PLCL1: variants seen among roughly 807,000 people sequenced by gnomAD.
PLCL1 encodes phospholipase C like 1 (inactive), also known as inactive phospholipase C-like protein 1.
PLCL1 carries 41 observed loss-of-function variants against 84.4 expected under a neutral mutation model. The observed-to-expected ratio is 0.49, with a 90% CI of 0.38 to 0.63. The LOEUF (loss-of-function observed/expected upper bound fraction) is 0.63. PLCL1 is among the 30% of genes least tolerant of loss of function. The pLI, the probability that PLCL1 is intolerant of heterozygous loss-of-function variation, is 0.00. For synonymous variants in PLCL1, 490 were observed against 488.3 expected (o/e 1.00, Z -0.05); for missense variants, 1,206 against 1,367.8 (o/e 0.88, Z 1.87).
chr2:197,819,915 TG>T (rs1690781616), intron 1 of PLCL1, among the ~76,000 whole-genome samples: 1 of 151,860 alleles, frequency 6.6e-6, no homozygotes, highest in African/African-American at 2.4e-5. Flanking sequence ...TGTGTGTGTG[TG>T]TGTGTATGTA....
chr2:197,905,046 C>T (rs1688349346), intron 1 of PLCL1, among the ~76,000 whole-genome samples: 1 of 152,154 alleles, frequency 6.6e-6, no homozygotes, highest in Non-Finnish European at 1.5e-5. Context: ...TCTTCTTGCA[C>T]AAATGCTTCA....
At chr2:198,139,478 G>A (rs897203763) in intron 5 of PLCL1, among the ~76,000 whole-genome samples, 2 of 152,082 alleles carry the variant, frequency 1.3e-5, no homozygotes, top group African/African-American at 4.8e-5. Flanking sequence ...TTAAGTACAG[G>A]CATCTGCCTA....
intron 1 of PLCL1, among the ~76,000 whole-genome samples, chr2:198,029,707 T>C (rs1691360989): frequency 6.6e-6 from 1 of 151,850 alleles, no homozygotes; most frequent in African/African-American, 2.4e-5. Context: ...TCTCCTCTTC[T>C]CTCTTCTCTT....
chr2:197,923,203 G>A (rs1436383938), intron 1 of PLCL1, among the ~76,000 whole-genome samples: 6 of 144,298 alleles, frequency 4.2e-5, no homozygotes, highest in South Asian at 2.2e-4. Flanking sequence ...GGCCGGGCGG[G>A]GGGCTGACCC....
intron 1 of PLCL1, among the ~76,000 whole-genome samples, chr2:197,846,668 A>G (rs750962232): frequency 6.6e-6 from 1 of 152,148 alleles, no homozygotes; most frequent in African/African-American, 2.4e-5. Flanking sequence ...TTGGGGTGTA[A>G]TGTGATGGGT....
At chr2:197,823,583 G>A (rs1016443724) in intron 1 of PLCL1, among the ~76,000 whole-genome samples, 16 of 152,120 alleles carry the variant, frequency 1.1e-4, no homozygotes, top group African/African-American at 3.9e-4. Context: ...TGATCATAGA[G>A]GGCTTTGAAT....
At chr2:197,877,566 G>T (rs188615438) in intron 1 of PLCL1, among the ~76,000 whole-genome samples, 4 of 152,142 alleles carry the variant, frequency 2.6e-5, no homozygotes, top group East Asian at 1.9e-4. Flanking sequence ...GAAATAAAAA[G>T]AAATAATATA....
At chr2:198,014,556 T>C (rs935556224) in intron 1 of PLCL1, among the ~76,000 whole-genome samples, 1 of 152,106 alleles carries the variant, frequency 6.6e-6, no homozygotes, top group Non-Finnish European at 1.5e-5. Flanking sequence ...CTTTTTTTTC[T>C]TGTTAATTTT....
intron 1 of PLCL1, among the ~76,000 whole-genome samples, chr2:197,861,144 A>C (rs1687425710): frequency 6.6e-6 from 1 of 152,202 alleles, no homozygotes; most frequent in Non-Finnish European, 1.5e-5. Context: ...GGGGCTGATC[A>C]CAAGAAAGAC....
chr2:197,999,587 T>C (rs1690551302), intron 1 of PLCL1, among the ~76,000 whole-genome samples: 2 of 152,044 alleles, frequency 1.3e-5, no homozygotes, highest in Non-Finnish European at 2.9e-5. Context: ...ATGTAGAGAG[T>C]TGTGATTTCA....
At chr2:197,968,285 G>A (rs149025575) in intron 1 of PLCL1, among the ~76,000 whole-genome samples, 3 of 152,220 alleles carry the variant, frequency 2.0e-5, no homozygotes, top group African/African-American at 7.2e-5. Context: ...AACCCAAGTG[G>A]TCACATAAAA....
intron 1 of PLCL1, among the ~76,000 whole-genome samples, chr2:197,903,962 C>T (rs1688326151): frequency 6.6e-6 from 1 of 151,470 alleles, no homozygotes. Flanking sequence ...ACCACCACAC[C>T]CAACTAATTT....
At chr2:197,921,678 C>T (rs573839559) in intron 1 of PLCL1, among the ~76,000 whole-genome samples, 1 of 152,298 alleles carries the variant, frequency 6.6e-6, no homozygotes, top group African/African-American at 2.4e-5. Flanking sequence ...CTTGTTCCAC[C>T]TCTGTACCTT....
chr2:197,934,665 G>A (rs974174686), intron 1 of PLCL1, among the ~76,000 whole-genome samples: 2 of 151,962 alleles, frequency 1.3e-5, no homozygotes, highest in African/African-American at 2.4e-5. Flanking sequence ...TTTTATAGGT[G>A]ACAAAAATTG....
intron 1 of PLCL1, among the ~76,000 whole-genome samples, chr2:197,870,784 G>A (rs1687636426): frequency 6.6e-6 from 1 of 151,504 alleles, no homozygotes; most frequent in Admixed American, 6.6e-5. Flanking sequence ...GAATAGAACT[G>A]CTTCTCCTTG....
intron 1 of PLCL1, among the ~76,000 whole-genome samples, chr2:197,999,204 G>A (rs2105818901): frequency 6.6e-6 from 1 of 152,302 alleles, no homozygotes; most frequent in Middle Eastern, 3.4e-3. Context: ...GCAGGGCACA[G>A]AAAGGTGGTG....
At chr2:197,902,238 G>A (rs1688282173) in intron 1 of PLCL1, among the ~76,000 whole-genome samples, 3 of 152,132 alleles carry the variant, frequency 2.0e-5, no homozygotes, top group African/African-American at 7.2e-5. Context: ...GGAATTCTGG[G>A]CTTGTTGCTC....
chr2:198,140,749 ATTC>A (rs1250936072), intron 5 of PLCL1, among the ~76,000 whole-genome samples: 2 of 152,118 alleles, frequency 1.3e-5, no homozygotes, highest in African/African-American at 2.4e-5. Context: ...GCATTAAATT[ATTC>A]TTAACATTTC....
At chr2:198,004,554 A>C (rs1046299417) in intron 1 of PLCL1, among the ~76,000 whole-genome samples, 21 of 152,166 alleles carry the variant, frequency 1.4e-4, no homozygotes, top group Non-Finnish European at 2.4e-4. Context: ...GTTAAAAAAA[A>C]CTTTGTGGCT....
Sources: allele counts gnomAD v4.1 joint callset (sites outside exome capture counted in the v4.1 genomes callset), GRCh38; gene constraint gnomAD v4.1.1; transcripts MANE v1.5; gene names NCBI Gene and HGNC (gene_info 2026-07-23, HGNC 2026-07-21).